HDAC9: variants seen among roughly 807,000 people sequenced by gnomAD.
HDAC9 encodes the protein histone deacetylase 9.
HDAC9 carries 41 observed loss-of-function variants against 139.4 expected under a neutral mutation model. The observed-to-expected ratio is 0.29, with a 90% CI of 0.23 to 0.38. HDAC9 has a LOEUF of 0.38. HDAC9 is among the 10% of genes least tolerant of loss of function. The pLI, the probability that HDAC9 is intolerant of heterozygous loss-of-function variation, is 1.00. For synonymous variants in HDAC9, 517 were observed against 476.2 expected, an observed-to-expected ratio of 1.09 and a Z score of -1.12; for missense variants, 1,147 against 1,297.0, an observed-to-expected ratio of 0.88 and a Z score of 1.78.
chr7:18,205,520 A>G (rs1791439204), intron 2 of HDAC9, among the ~76,000 whole-genome samples: 2 of 152,098 alleles, frequency 1.3e-5, no homozygotes, highest in African/African-American at 2.4e-5. Context: ...CAGAATGGAG[A>G]GATGAACAAA....
At chr7:18,206,676 AAAT>A (rs1212213178) in intron 2 of HDAC9, among the ~76,000 whole-genome samples, 1 of 152,184 alleles carries the variant, frequency 6.6e-6, no homozygotes, top group Admixed American at 6.5e-5. Flanking sequence ...AATCATAAAA[AAAT>A]AATAAGGGTA....
chr7:18,370,086 G>T (rs956173357), intron 1 of HDAC9, among the ~76,000 whole-genome samples: 1 of 152,118 alleles, frequency 6.6e-6, no homozygotes, highest in African/African-American at 2.4e-5. Flanking sequence ...GAAAGGGAAA[G>T]AAGTATGAAT....
At chr7:18,538,187 G>C (rs1486367731) in intron 2 of HDAC9, among the ~76,000 whole-genome samples, 1 of 152,108 alleles carries the variant, frequency 6.6e-6, no homozygotes, top group Admixed American at 6.5e-5. Flanking sequence ...CTCCCGTGGG[G>C]TCTCACTTTC....
At chr7:18,337,972 A>G (rs1257274935) in intron 1 of HDAC9, among the ~76,000 whole-genome samples, 2 of 151,906 alleles carry the variant, frequency 1.3e-5, no homozygotes, top group Admixed American at 6.6e-5. Flanking sequence ...TAAAAATGAG[A>G]TAATGAGATA....
At chr7:18,723,473 G>A (rs1267475076) in intron 12 of HDAC9, among the ~76,000 whole-genome samples, 1 of 152,144 alleles carries the variant, frequency 6.6e-6, no homozygotes, top group East Asian at 1.9e-4. Context: ...TTTTGGTTGA[G>A]CAATAGATAT....
At chr7:18,676,964 T>C (rs1397768206) in intron 12 of HDAC9, among the ~76,000 whole-genome samples, 1 of 151,948 alleles carries the variant, frequency 6.6e-6, no homozygotes, top group Non-Finnish European at 1.5e-5. Flanking sequence ...TTCCTAAATC[T>C]TAGTGATTTT....
At chr7:18,442,711 A>G (rs1216563533) in intron 1 of HDAC9, among the ~76,000 whole-genome samples, 1 of 152,198 alleles carries the variant, frequency 6.6e-6, no homozygotes, top group Non-Finnish European at 1.5e-5. Context: ...TCTATTTGTA[A>G]TTCTTTAGAC....
intron 17 of HDAC9, among the ~76,000 whole-genome samples, chr7:18,817,445 G>C (rs146346634): frequency 6.6e-5 from 10 of 152,210 alleles, no homozygotes; most frequent in African/African-American, 2.4e-4. Context: ...TAACACAAAT[G>C]CTTGAAGCAG....
At chr7:18,533,881 G>T (rs74403014) in intron 2 of HDAC9, among the ~76,000 whole-genome samples, 2 of 152,094 alleles carry the variant, frequency 1.3e-5, no homozygotes, top group Non-Finnish European at 1.5e-5. Context: ...AGAACATTTA[G>T]TGACATTTTA....
intron 17 of HDAC9, among the ~76,000 whole-genome samples, chr7:18,809,814 T>A (rs1031722144): frequency 6.6e-6 from 1 of 151,918 alleles, no homozygotes; most frequent in Non-Finnish European, 1.5e-5. Flanking sequence ...AGTATGGAAT[T>A]TCCACAAAAT....
intron 2 of HDAC9, among the ~76,000 whole-genome samples, chr7:18,251,611 A>G (rs1794921781): frequency 5.3e-5 from 8 of 152,110 alleles, no homozygotes; most frequent in Admixed American, 4.6e-4. Context: ...TTTTTGTGAC[A>G]CTCTAAAAAC....
At chr7:18,109,052 A>T (rs1056668118) in intron 1 of HDAC9, among the ~76,000 whole-genome samples, 6 of 152,286 alleles carry the variant, frequency 3.9e-5, no homozygotes, top group Middle Eastern at 3.4e-3. Context: ...ATAAGGTACC[A>T]TGGGGATGGT....
chr7:18,863,242 G>A (rs989069049), intron 21 of HDAC9, among the ~76,000 whole-genome samples: 3 of 152,048 alleles, frequency 2.0e-5, no homozygotes, highest in African/African-American at 4.8e-5. Context: ...CTCCAAACAC[G>A]AAAAACCAGA....
At chr7:18,578,842 GA>G (rs80283495) in intron 2 of HDAC9, among the ~76,000 whole-genome samples, 3,798 of 152,298 alleles carry the variant, frequency 0.025, 45 homozygotes, top group South Asian at 0.074. Flanking sequence ...GGCTCCCAGT[GA>G]AAACCGTAGT....
At chr7:18,738,849 G>A (rs1787174572) in intron 13 of HDAC9, among the ~76,000 whole-genome samples, 1 of 152,220 alleles carries the variant, frequency 6.6e-6, no homozygotes, top group South Asian at 2.1e-4. Context: ...GTATCCTGAA[G>A]AGTGTTTTCC....
chr7:18,756,602 GT>G (rs1282448885), intron 14 of HDAC9, among the ~76,000 whole-genome samples: 7 of 152,192 alleles, frequency 4.6e-5, no homozygotes, highest in Admixed American at 4.6e-4. Flanking sequence ...TGCGTGTAAG[GT>G]TATTTCACAT....
At chr7:18,944,785 A>G (rs1387485863) in intron 23 of HDAC9, among the ~76,000 whole-genome samples, 1 of 152,146 alleles carries the variant, frequency 6.6e-6, no homozygotes, top group Admixed American at 6.6e-5. Context: ...GTAGCTTTAT[A>G]TCCATGAAAT....
In HDAC9 at chr7:18,116,928, G is replaced by A. The variant is rs36060378; in HGVS notation, c.-97+29715G>A. Among the ~76,000 whole-genome samples the A allele has an allele frequency of 4.9e-3, 748 of 152,304 alleles. 3 individuals are homozygous for A. Among genetic ancestry groups the A allele is most frequent in the Non-Finnish European group, 8.2e-3 (557 of 68,030 alleles). Reference sequence around the variant, plus strand: ...ACCACATGGAACCACTAATGAGCTTGGGAAGTAAACATAGTTAAGTAGGCA... The same window carrying A: ...ACCACATGGAACCACTAATGAGCTTAGGAAGTAAACATAGTTAAGTAGGCA... On this transcript the variant is annotated intron_variant, in intron 1 of 12. Transcript: ENST00000417496.
In HDAC9 at chr7:18,647,961, G is replaced by A; in HGVS notation, c.1212G>A (p.Leu404=). The part of the protein sequence containing the change: ...SHQALLQHLL[L]KEQMRQQKLL... ...AGGCTCTCCTGCAGCATTTATTATT[G>A]AAAGAACAAATGCGACAGCAAAAGC... The change falls in exon 10 of 26, where the codon TTG becomes TTA. Residue 404 remains leucine (L), a synonymous_variant. Transcript: ENST00000686413. The A allele has an allele frequency of 6.2e-7, 1 of 1,611,960 alleles. No individual in the cohort carries two copies. The highest frequency in any genetic ancestry group is 1.7e-4 in the Middle Eastern group (1 of 6,046).
Sources: allele counts gnomAD v4.1 joint callset (sites outside exome capture counted in the v4.1 genomes callset), GRCh38; gene constraint gnomAD v4.1.1; transcripts MANE v1.5; gene names NCBI Gene and HGNC (gene_info 2026-07-23, HGNC 2026-07-21).